STK32A: variants seen among roughly 807,000 people sequenced by gnomAD.
The protein encoded by STK32A is serine/threonine kinase 32A, also known as serine/threonine-protein kinase 32A.
A neutral mutation model predicts 53.2 loss-of-function variants in STK32A; 41 were observed. That is an observed-to-expected ratio of 0.77 (90% CI 0.60 to 1.00). The LOEUF is 1.00. Among genes scored for constraint, STK32A ranks in the 50% least tolerant of loss-of-function variants. The pLI is 0.00. For synonymous variants in STK32A, 166 were observed against 162.8 expected (o/e 1.02, Z -0.15); for missense variants, 458 against 485.8 (o/e 0.94, Z 0.54).
rs149297715 is a variant in STK32A, at chr5:147,330,732, C to G, written c.434+6661C>G. ...TAGGCTGCTCTTCAAAGTATGACCT[C>G]CTCATTGTTTCTCTGCTCTACCACA... On this transcript the variant is annotated intron_variant, in intron 5 of 12. Coordinates refer to ENST00000397936, the MANE Select transcript of STK32A (RefSeq NM_001112724.2). Among the ~76,000 whole-genome samples the G allele has an allele frequency of 6.8e-4, 104 of 152,306 alleles. 1 individual carries two copies. Among genetic ancestry groups the G allele is most frequent in the African/African-American group, 2.5e-3 (102 of 41,562 alleles).
At chr5:147,303,935 A>G (rs1421918229) in intron 4 of STK32A, among the ~76,000 whole-genome samples, 2 of 152,226 alleles carry the variant, frequency 1.3e-5, no homozygotes, top group Non-Finnish European at 2.9e-5. Flanking sequence ...CTGAGTCTTT[A>G]TAATGCAGAT....
chr5:147,245,042 C>G (rs555697772), intron 2 of STK32A, among the ~76,000 whole-genome samples: 1 of 152,156 alleles, frequency 6.6e-6, no homozygotes, highest in Non-Finnish European at 1.5e-5. Flanking sequence ...ATTAACAGAA[C>G]GGCAGATTTT....
chr5:147,365,485 T>C (rs1756699921), intron 8 of STK32A, among the ~76,000 whole-genome samples: 1 of 151,898 alleles, frequency 6.6e-6, no homozygotes, highest in Non-Finnish European at 1.5e-5. Flanking sequence ...TTTTATCTCC[T>C]GATGGGCTTT....
At chr5:147,252,091 G>A (rs751516681) in intron 2 of STK32A, among the ~76,000 whole-genome samples, 4 of 151,714 alleles carry the variant, frequency 2.6e-5, no homozygotes, top group Non-Finnish European at 5.9e-5. Context: ...AGGCTACGGT[G>A]AGCTGTAATT....
intron 2 of STK32A, among the ~76,000 whole-genome samples, chr5:147,256,668 T>A (rs1280863937): frequency 6.6e-6 from 1 of 152,062 alleles, no homozygotes; most frequent in Non-Finnish European, 1.5e-5. Context: ...TGCACCACCA[T>A]GCCTGGCTAA....
the STK32A span, chr5:147,401,414 C>T: frequency 3.5e-6 from 4 of 1,128,094 alleles, no homozygotes; most frequent in Middle Eastern, 5.5e-4. Context: ...AAAGAATTCC[C>T]AATACACTGT....
chr5:147,276,231 C>T (rs1755254929), intron 2 of STK32A, among the ~76,000 whole-genome samples: 1 of 151,916 alleles, frequency 6.6e-6, no homozygotes, highest in East Asian at 1.9e-4. Flanking sequence ...TGACCACAAC[C>T]CAAGGTAAAA....
At chr5:147,395,826 G>A in the STK32A span, 3 of 1,288,064 alleles carry the variant, frequency 2.3e-6, no homozygotes, top group Non-Finnish European at 3.2e-6. Context: ...TGGGAGCTAG[G>A]AATTAACAAT....
intron 2 of STK32A, among the ~76,000 whole-genome samples, chr5:147,249,908 C>CGAAAAAAAAAAAAAAAAAAAAAAAAA (rs1554099042): frequency 1.7e-5 from 1 of 58,580 alleles, no homozygotes; most frequent in African/African-American, 6.7e-5. Context: ...GCCTCTGTCT[C>CGAAAAAAAAAAAAAAAAAAAAAAAAA]AAAAAAAAAA....
Position 147,286,465 on chromosome 5 carries a change from C to G in STK32A, c.260+7067C>G, listed in dbSNP as rs181186281. On this transcript the variant is annotated intron_variant, in intron 4 of 12. Coordinates refer to ENST00000397936, the MANE Select transcript of STK32A (RefSeq NM_001112724.2). The stretch of plus-strand genomic sequence containing the variant: ...ATTAGGTTTAGTCGGACTTAGCCAG[C>G]TTGGCTTACACCCTGGTTTTTCAGG... 4.3e-4 allele frequency among the ~76,000 whole-genome samples: 66 copies of G among 152,248 alleles called. 1 individual carries two copies. In the Middle Eastern group the frequency reaches 0.017, roughly 39 times the overall value.
intron 2 of STK32A, among the ~76,000 whole-genome samples, chr5:147,269,357 T>C (rs899881026): frequency 2.6e-5 from 4 of 152,176 alleles, no homozygotes; most frequent in Admixed American, 2.0e-4. Flanking sequence ...TGGTGTGTTG[T>C]TGTCAGTGAA....
chr5:147,332,676 TTC>T (rs1029449021), intron 5 of STK32A, among the ~76,000 whole-genome samples: 4 of 152,156 alleles, frequency 2.6e-5, no homozygotes, highest in Non-Finnish European at 5.9e-5. Flanking sequence ...CTTGCAAATG[TTC>T]TCTTTTTCTA....
chr5:147,245,383 G>A (rs1209096335), intron 2 of STK32A, among the ~76,000 whole-genome samples: 1 of 152,156 alleles, frequency 6.6e-6, no homozygotes, highest in African/African-American at 2.4e-5. Context: ...AGACGTGCAA[G>A]TAACACTTCT....
chr5:147,384,048 A>G lies in STK32A; in HGVS notation c.*65A>G. ...AACTTCTAATTACATATGTCAAGAAAAGCTGACAGTAGTTCTTGCCACTCC... is the reference window on the plus strand; with the variant it reads ...AACTTCTAATTACATATGTCAAGAAGAGCTGACAGTAGTTCTTGCCACTCC... On this transcript the variant is annotated 3_prime_UTR_variant, in exon 13 of 13. Transcript: ENST00000397936. 3 of 1,549,912 alleles carry G rather than the reference A, an allele frequency of 1.9e-6. No homozygotes were observed. Among genetic ancestry groups the G allele is most frequent in the Non-Finnish European group, 1.7e-6 (2 of 1,155,864 alleles).
At chr5:147,304,121 GA>G (rs1203871656) in intron 4 of STK32A, among the ~76,000 whole-genome samples, 1 of 152,144 alleles carries the variant, frequency 6.6e-6, no homozygotes, top group Non-Finnish European at 1.5e-5. Flanking sequence ...TAGGTAGCAG[GA>G]ACTATTGAAT....
intron 4 of STK32A, among the ~76,000 whole-genome samples, chr5:147,297,426 G>A (rs1271781886): frequency 1.3e-5 from 2 of 152,158 alleles, no homozygotes; most frequent in African/African-American, 2.4e-5. Flanking sequence ...CTGCTTTCCT[G>A]ACTGGGAATC....
At chr5:147,310,336 C>T (rs1004785361) in intron 4 of STK32A, among the ~76,000 whole-genome samples, 13 of 152,176 alleles carry the variant, frequency 8.5e-5, no homozygotes, top group Non-Finnish European at 1.5e-5. Context: ...GGTAGTAATT[C>T]TAGTTCATCC....
chr5:147,344,962 A>C (rs1408758566), intron 6 of STK32A, among the ~76,000 whole-genome samples: 1 of 152,072 alleles, frequency 6.6e-6, no homozygotes, highest in Non-Finnish European at 1.5e-5. Context: ...CCTTCAGTCA[A>C]CTTCTTCCTC....
intron 2 of STK32A, among the ~76,000 whole-genome samples, chr5:147,274,726 T>A (rs1009212210): frequency 6.6e-6 from 1 of 152,234 alleles, no homozygotes; most frequent in Non-Finnish European, 1.5e-5. Context: ...ACCCATTTCA[T>A]CTTCTTATAA....
Sources: gnomAD v4.1 joint callset for allele counts (sites outside exome capture counted in the v4.1 genomes callset) on GRCh38, gnomAD v4.1.1 for gene constraint, MANE v1.5 for transcripts, NCBI Gene and HGNC (gene_info 2026-07-23, HGNC 2026-07-21) for gene names.